The following FAIM2 variants were observed in gnomAD, a reference collection of about 807,000 sequenced individuals.
The protein encoded by FAIM2 is protein lifeguard 2.
A neutral mutation model predicts 47.4 loss-of-function variants in FAIM2; 27 were observed. The observed-to-expected ratio is 0.57, with a 90% CI of 0.42 to 0.78. The LOEUF is 0.78. FAIM2 is among the 30% of genes least tolerant of loss of function. FAIM2 has a pLI of 0.00. For synonymous variants in FAIM2, 156 were observed against 159.3 expected (o/e 0.98, Z 0.16); for missense variants, 311 against 389.4 (o/e 0.80, Z 1.69).
intron 2 of FAIM2, among the ~76,000 whole-genome samples, chr12:49,898,354 T>TGTCATC (rs1946955648): frequency 2.0e-5 from 1 of 50,168 alleles, no homozygotes; most frequent in African/African-American, 1.0e-4. Flanking sequence ...CGGCTGGGGC[T>TGTCATC]CCCTGGGGAC....
At chr12:49,878,792 G>GTGTGCATATGTGCGTC (rs1305649692) in intron 11 of FAIM2, among the ~76,000 whole-genome samples, 1 of 47,554 alleles carries the variant, frequency 2.1e-5, no homozygotes, top group Non-Finnish European at 3.7e-5. Context: ...ATGTGTGCCT[G>GTGTGCATATGTGCGTC]TGTGTATATG....
chr12:49,874,501 G>A lies in FAIM2; in HGVS notation c.802-3848C>T, dbSNP rs1410350130. 6.6e-6 allele frequency among the ~76,000 whole-genome samples: 1 copy of A among 152,154 alleles called. No homozygotes were observed. The highest frequency in any genetic ancestry group is 1.5e-5 in the Non-Finnish European group (1 of 68,032). On this transcript the variant is annotated intron_variant, in intron 11 of 11. Transcript: ENST00000320634. This position sits in a 1 kb window ranked among gnomAD's most constrained non-coding sequence, Gnocchi z 4.2. Reference sequence around the variant, plus strand: ...CAAACTTCCCCGCCTCACTTTACTGGCCAGTGCTAAACCTGGCCGGGGACC... The same window carrying A: ...CAAACTTCCCCGCCTCACTTTACTGACCAGTGCTAAACCTGGCCGGGGACC...
rs181004029 is a variant in FAIM2, at chr12:49,883,303, C to T, written c.801+4083G>A. On this transcript the variant is annotated intron_variant, in intron 11 of 11. Transcript: ENST00000320634. ...AACAATCAATCCAGGCTGGAGGCGACGGGGGCTGGGACAGGGAGTAGCCAT... is the reference window on the plus strand; with the variant it reads ...AACAATCAATCCAGGCTGGAGGCGATGGGGGCTGGGACAGGGAGTAGCCAT... 3.4e-4 allele frequency among the ~76,000 whole-genome samples: 51 copies of T among 151,928 alleles called. No individual in the cohort carries two copies. In the South Asian group the frequency reaches 1.0e-2, roughly 30 times the overall value.
intron 2 of FAIM2, among the ~76,000 whole-genome samples, chr12:49,899,157 G>A (rs1946963399): frequency 6.6e-6 from 1 of 151,940 alleles, no homozygotes; most frequent in African/African-American, 2.4e-5. Context: ...CCACCTCCTG[G>A]GCCTATAAAC....
At chr12:49,891,934 G>T (rs1485024919) in intron 5 of FAIM2, among the ~76,000 whole-genome samples, 5 of 152,132 alleles carry the variant, frequency 3.3e-5, no homozygotes, top group African/African-American at 1.2e-4. Context: ...GGACCCAAGG[G>T]TGGAGCTCGC....
At position 49,870,469 on chromosome 12, in the gene FAIM2, C is replaced by T; in HGVS notation, c.*35G>A. On this transcript the variant is annotated 3_prime_UTR_variant, in exon 12 of 12. Coordinates refer to ENST00000320634, the MANE Select transcript of FAIM2 (RefSeq NM_012306.4). ...GAGGGACAGGGAACCAGGAGGGGCGCATTCTCTGGAGGACGGTGGGGCAGG... is the reference window on the plus strand; with the variant it reads ...GAGGGACAGGGAACCAGGAGGGGCGTATTCTCTGGAGGACGGTGGGGCAGG... 1.2e-6 allele frequency: 2 copies of T among 1,600,744 alleles called. No individual in the cohort carries two copies. The highest frequency in any genetic ancestry group is 1.3e-5 in the African/African-American group (1 of 74,548).
intron 5 of FAIM2, among the ~76,000 whole-genome samples, chr12:49,894,703 G>A (rs12370694): frequency 0.19 from 28,754 of 152,120 alleles, 4,501 homozygotes; most frequent in East Asian, 0.43. Context: ...AAAGGAGGAA[G>A]CAGAGCACAG....
intron 3 of FAIM2, 154 bp from the exon 4 acceptor site, chr12:49,897,737 A>G: frequency 3.1e-6 from 2 of 655,462 alleles, no homozygotes; most frequent in South Asian, 1.9e-5. Context: ...GGCGAAAGGA[A>G]AGCAAAGATG....
intron 5 of FAIM2, 49 bp from the exon 6 acceptor site, chr12:49,891,163 C>A (rs1463082202): frequency 6.4e-7 from 1 of 1,567,594 alleles, no homozygotes; most frequent in South Asian, 1.1e-5. Flanking sequence ...TCCTGGGTCC[C>A]TCCCCCAAGA....
Position 49,901,169 on chromosome 12 carries a change from C to A in FAIM2, c.172G>T (p.Ala58Ser), listed in dbSNP as rs1219147983. ...KAGAFPPAPT[A>S]VPLHPSWAYV... ...GCCCAGCTAGGGTGGAGAGGCACCG[C>A]TGTGGGGGCTGGGGGGAAGGCCCCT... Residue 58 changes from alanine (A) to serine (S), a missense_variant, in exon 2 of 12, where the codon GCG becomes TCG. Ala to Ser is a moderately conservative substitution (Grantham distance 99, BLOSUM62 1). Coordinates refer to ENST00000320634, the MANE Select transcript of FAIM2 (RefSeq NM_012306.4). The A allele has an allele frequency of 6.2e-7, 1 of 1,607,262 alleles. No homozygotes were observed. The highest frequency in any genetic ancestry group is 8.5e-7 in the Non-Finnish European group (1 of 1,177,228).
intron 11 of FAIM2, among the ~76,000 whole-genome samples, chr12:49,880,683 CAT>C (rs1235940521): frequency 1.4e-5 from 2 of 144,210 alleles, no homozygotes; most frequent in African/African-American, 5.2e-5. Flanking sequence ...TCTATATGTG[CAT>C]GTGTATGCAT....
chr12:49,890,283 C>A (rs574471050), intron 7 of FAIM2, 129 bp from the exon 8 acceptor site: 2 of 802,394 alleles, frequency 2.5e-6, no homozygotes, highest in African/African-American at 1.7e-5. Flanking sequence ...CACCCCCACA[C>A]ACACTGACTT....
chr12:49,886,845 A>T (rs1404403220), intron 11 of FAIM2, among the ~76,000 whole-genome samples: 2 of 152,138 alleles, frequency 1.3e-5, no homozygotes, highest in Non-Finnish European at 2.9e-5. Context: ...TGCTATGGAG[A>T]GCTGGCTGGG....
rs1946680218 is a variant in FAIM2 at position 49,868,662 on chromosome 12, C to T, written c.*1842G>A. On this transcript the variant is annotated 3_prime_UTR_variant, in exon 12 of 12. Coordinates refer to ENST00000320634, the MANE Select transcript of FAIM2 (RefSeq NM_012306.4). ...GCTGTGGGTCTGAACCCCAGGCCCG[C>T]CACTCGCTAGCCGTATGACCTGGGA... 6.6e-6 allele frequency: 1 copy of T among 152,234 alleles called. No homozygotes were observed. Among genetic ancestry groups the T allele is most frequent in the African/African-American group, 2.4e-5 (1 of 41,438 alleles). The allele number at this position is 152,234 out of a possible 1,614,324, so 9.4% of individuals were successfully genotyped here. A position where few individuals can be genotyped will look rare whatever the true frequency, so the allele number is the denominator to read the frequency against.
In FAIM2 at chr12:49,903,814, G is replaced by A. The variant is rs761036765; in HGVS notation, c.-22C>T. 5 of 1,535,690 alleles carry A rather than the reference G, an allele frequency of 3.3e-6. No homozygotes were observed. The Admixed American group carries it at 8.2e-5, about 25-fold the overall frequency. ...TCATGGTGCCGTCTCTCGGGGAAGGGGTCCCTGAGGCCCGGGTGGCCGCTT... is the reference window on the plus strand; with the variant it reads ...TCATGGTGCCGTCTCTCGGGGAAGGAGTCCCTGAGGCCCGGGTGGCCGCTT... On this transcript the variant is annotated 5_prime_UTR_variant, in exon 1 of 12. Transcript: ENST00000320634.
rs374219929 is a variant in FAIM2 at position 49,868,699 on chromosome 12, G to A, written c.*1805C>T. ...CGTATGACCTGGGACTCATTACCGA[G>A]CCTTTCTGAGCACCTCGGCTTTTCC... On this transcript the variant is annotated 3_prime_UTR_variant, in exon 12 of 12. Coordinates refer to ENST00000320634, the MANE Select transcript of FAIM2 (RefSeq NM_012306.4). 9.2e-5 allele frequency: 14 copies of A among 152,262 alleles called. No homozygotes were observed. Among genetic ancestry groups the A allele is most frequent in the African/African-American group, 2.9e-4 (12 of 41,424 alleles). 9.4% of individuals were successfully genotyped at this position (152,262 alleles called of 1,614,324 possible).
intron 11 of FAIM2, among the ~76,000 whole-genome samples, chr12:49,880,763 G>A (rs1235880105): frequency 1.3e-5 from 2 of 150,838 alleles, no homozygotes; most frequent in African/African-American, 4.9e-5. Context: ...TGCGCATGTG[G>A]GTATGTGTGT....
chr12:49,895,166 G>A (rs997500141), intron 5 of FAIM2, among the ~76,000 whole-genome samples: 5 of 152,086 alleles, frequency 3.3e-5, no homozygotes, highest in African/African-American at 1.2e-4. Context: ...AACACCCTAT[G>A]AAAAGCGCCC....
intron 3 of FAIM2, 91 bp from the exon 4 acceptor site, chr12:49,897,674 T>A: frequency 1.1e-6 from 1 of 877,260 alleles, no homozygotes; most frequent in South Asian, 1.6e-5. Flanking sequence ...CAGGTCCCCA[T>A]CCTGTGCACT....
Sources: gnomAD v4.1 joint callset for allele counts (sites outside exome capture counted in the v4.1 genomes callset) on GRCh38, gnomAD v4.1.1 for gene constraint, Gnocchi (gnomAD v3.1) non-coding constraint, MANE v1.5 for transcripts, NCBI Gene and HGNC (gene_info 2026-07-23, HGNC 2026-07-21) for gene names.